PHF21B: variants seen among roughly 807,000 people sequenced by gnomAD.
The protein encoded by PHF21B is PHD finger protein 21B.
PHF21B carries 22 observed loss-of-function variants against 62.2 expected under a neutral mutation model. The observed-to-expected ratio is 0.35, with a 90% CI of 0.25 to 0.51. PHF21B has a LOEUF of 0.51. PHF21B is among the 20% of genes least tolerant of loss of function. The pLI is 0.97. For synonymous variants in PHF21B, 341 were observed against 314.7 expected (o/e 1.08, Z -0.88); for missense variants, 701 against 707.9 (o/e 0.99, Z 0.11).
At chr22:44,988,626 G>A (rs2072993345) in intron 2 of PHF21B, among the ~76,000 whole-genome samples, 1 of 152,168 alleles carries the variant, frequency 6.6e-6, no homozygotes, top group Non-Finnish European at 1.5e-5. Context: ...TTTGTCCTCT[G>A]CTAGAACCCA....
At position 45,008,530 on chromosome 22, in the gene PHF21B, G is replaced by A. The variant is rs911257988; in HGVS notation, c.120+15C>T. Reference sequence around the variant, plus strand: ...CCCGCCCCATCCCAGGGGGGGCCGCGATCCCATCGCTTACTTGTTTGTCGC... The same window carrying A: ...CCCGCCCCATCCCAGGGGGGGCCGCAATCCCATCGCTTACTTGTTTGTCGC... On this transcript the variant is annotated intron_variant, in intron 2 of 12. Transcript: ENST00000313237. The A allele has an allele frequency of 1.2e-5, 18 of 1,563,784 alleles. No individual in the cohort carries two copies. The highest frequency in any genetic ancestry group is 9.4e-5 in the Admixed American group (5 of 52,918).
chr22:44,932,662 C>G (rs994039789), intron 2 of PHF21B, among the ~76,000 whole-genome samples: 1 of 152,240 alleles, frequency 6.6e-6, no homozygotes. Context: ...CACCACGGAA[C>G]GCTGATGACG....
chr22:44,975,977 G>C (rs1419309119), intron 2 of PHF21B, among the ~76,000 whole-genome samples: 1 of 152,226 alleles, frequency 6.6e-6, no homozygotes, highest in Admixed American at 6.5e-5. Context: ...AGACCAGCCT[G>C]GGCAACATGG....
At chr22:44,967,795 A>G (rs2072557930) in intron 2 of PHF21B, among the ~76,000 whole-genome samples, 1 of 152,134 alleles carries the variant, frequency 6.6e-6, no homozygotes, top group African/African-American at 2.4e-5. Flanking sequence ...ATGACATTTC[A>G]TCATCGCTCT....
chr22:45,004,497 A>C (rs2147539870), intron 2 of PHF21B, among the ~76,000 whole-genome samples: 1 of 152,356 alleles, frequency 6.6e-6, no homozygotes, highest in African/African-American at 2.4e-5. Context: ...TAGCAGTATT[A>C]AGTGTGGAGC....
intron 2 of PHF21B, among the ~76,000 whole-genome samples, chr22:44,954,651 A>T (rs575074367): frequency 6.2e-4 from 94 of 152,348 alleles, no homozygotes; most frequent in African/African-American, 2.2e-3. Context: ...AGGTCTACAG[A>T]TTCACCAAGC....
At chr22:44,892,309 A>C (rs2147257190) in intron 7 of PHF21B, among the ~76,000 whole-genome samples, 1 of 152,336 alleles carries the variant, frequency 6.6e-6, no homozygotes, top group Non-Finnish European at 1.5e-5. Flanking sequence ...GCACGTTCTC[A>C]GAACAGGAGC....
intron 12 of PHF21B, among the ~76,000 whole-genome samples, chr22:44,884,057 C>CATT (rs2070789261): frequency 6.8e-6 from 1 of 147,780 alleles, no homozygotes. Flanking sequence ...CCACCACCAT[C>CATT]ACCACCACCA....
chr22:44,891,872 G>A (rs73178237), intron 7 of PHF21B, among the ~76,000 whole-genome samples: 313 of 152,292 alleles, frequency 2.1e-3, no homozygotes, highest in Middle Eastern at 6.8e-3. Flanking sequence ...AGGCCACACC[G>A]GTCTAAACCT....
At chr22:45,001,059 T>C (rs1569285252) in intron 2 of PHF21B, 1 of 152,268 alleles carries the variant, frequency 6.6e-6, no homozygotes, top group African/African-American at 2.4e-5. Flanking sequence ...AACCCCCGTG[T>C]GCTGACTATG....
intron 3 of PHF21B, among the ~76,000 whole-genome samples, chr22:44,917,768 T>C (rs2147306826): frequency 6.6e-6 from 1 of 152,314 alleles, no homozygotes; most frequent in Admixed American, 6.5e-5. Flanking sequence ...GTGGTGCATG[T>C]GGAAGGAGTG....
intron 5 of PHF21B, among the ~76,000 whole-genome samples, chr22:44,909,642 G>C (rs1402159250): frequency 1.3e-5 from 2 of 152,238 alleles, no homozygotes; most frequent in Non-Finnish European, 2.9e-5. Flanking sequence ...TCCAGGACCA[G>C]GTTCCCACGT....
intron 2 of PHF21B, among the ~76,000 whole-genome samples, chr22:44,981,698 G>A (rs1271908180): frequency 6.6e-6 from 1 of 152,158 alleles, no homozygotes; most frequent in African/African-American, 2.4e-5. Flanking sequence ...GGGAGGGAGG[G>A]GACACTGGCT....
At chr22:44,949,557 T>C (rs2072152444) in intron 2 of PHF21B, among the ~76,000 whole-genome samples, 2 of 152,176 alleles carry the variant, frequency 1.3e-5, no homozygotes, top group South Asian at 4.1e-4. Context: ...GCAGGTTGAA[T>C]ACGTCGCACA....
At chr22:44,907,031 GTA>G (rs1221711112) in intron 5 of PHF21B, among the ~76,000 whole-genome samples, 1 of 152,168 alleles carries the variant, frequency 6.6e-6, no homozygotes, top group Non-Finnish European at 1.5e-5. Flanking sequence ...ACACCTGTAG[GTA>G]CATACATGTC....
chr22:44,982,370 T>C (rs1011966063), intron 2 of PHF21B, among the ~76,000 whole-genome samples: 4 of 152,202 alleles, frequency 2.6e-5, no homozygotes, highest in African/African-American at 9.7e-5. Context: ...AGGCACACCC[T>C]TGCCATCACC....
chr22:44,996,622 C>T (rs1381459480), intron 2 of PHF21B, among the ~76,000 whole-genome samples: 1 of 151,930 alleles, frequency 6.6e-6, no homozygotes, highest in Non-Finnish European at 1.5e-5. Context: ...CTCTGATCCC[C>T]TCTAGATCAC....
intron 2 of PHF21B, chr22:45,000,704 T>C (rs9615001): frequency 0.33 from 50,689 of 151,996 alleles, 8,800 homozygotes; most frequent in Non-Finnish European, 0.38. Flanking sequence ...GTCAGCATAG[T>C]GGTCGTCAAC....
chr22:44,885,365 C>A (rs1390255800), intron 12 of PHF21B, 61 bp downstream of exon 12: 2 of 1,465,894 alleles, frequency 1.4e-6, no homozygotes, highest in East Asian at 5.0e-5. Flanking sequence ...TCTATCTGTC[C>A]CCTAGACCCG....
Sources: gnomAD v4.1 joint callset for allele counts (sites outside exome capture counted in the v4.1 genomes callset) on GRCh38, gnomAD v4.1.1 for gene constraint, MANE v1.5 for transcripts, NCBI Gene and HGNC (gene_info 2026-07-23, HGNC 2026-07-21) for gene names.